Variants in DYSF observed in about 807,000 individuals in gnomAD.
DYSF encodes dystrophy-associated fer-1-like 1.
A neutral mutation model predicts 274.9 loss-of-function variants in DYSF; 212 were observed. The observed-to-expected ratio is 0.77, with a 90% CI of 0.69 to 0.86. DYSF has a LOEUF of 0.86. DYSF is among the 40% of genes least tolerant of loss of function. DYSF has a pLI of 0.00. For synonymous variants in DYSF, 1,091 were observed against 1,078.7 expected, an observed-to-expected ratio of 1.01 and a Z score of -0.22; for missense variants, 2,666 against 2,783.2, an observed-to-expected ratio of 0.96 and a Z score of 0.95.
At chr2:71,649,907 C>T (rs1044586997) in intron 42 of DYSF, among the ~76,000 whole-genome samples, 2 of 151,996 alleles carry the variant, frequency 1.3e-5, no homozygotes, top group African/African-American at 4.8e-5. Context: ...GTGTGCCAGG[C>T]AAATGCAAAT....
chr2:71,469,663 G>T (rs1459382340), intron 1 of DYSF, among the ~76,000 whole-genome samples: 1 of 152,176 alleles, frequency 6.6e-6, no homozygotes, highest in Non-Finnish European at 1.5e-5. Context: ...TGGGAGGCTG[G>T]ACTCTGAGGG....
chr2:71,503,390 C>A, intron 4 of DYSF, 71 bp downstream of exon 4: 1 of 1,463,812 alleles, frequency 6.8e-7, no homozygotes, highest in Non-Finnish European at 9.6e-7. Context: ...TTGGGCCTTG[C>A]CATTCTGACC....
At chr2:71,580,566 A>G (rs1294808388) in intron 30 of DYSF, among the ~76,000 whole-genome samples, 1 of 152,144 alleles carries the variant, frequency 6.6e-6, no homozygotes, top group Non-Finnish European at 1.5e-5. Flanking sequence ...AGGCCCTGGG[A>G]GGTGCGAGGG....
chr2:71,484,045 C>CTTTTTTTTTT (rs59780652), intron 3 of DYSF, among the ~76,000 whole-genome samples: 2 of 67,548 alleles, frequency 3.0e-5, no homozygotes, highest in Non-Finnish European at 5.0e-5. Context: ...GGAGATTTCC[C>CTTTTTTTTTT]TTTTTTTTTT....
chr2:71,472,463 G>A (rs2082099659), intron 1 of DYSF, among the ~76,000 whole-genome samples: 1 of 152,138 alleles, frequency 6.6e-6, no homozygotes, highest in Non-Finnish European at 1.5e-5. Flanking sequence ...CTGGAGTGGA[G>A]TGGCGCGATC....
intron 19 of DYSF, 123 bp downstream of exon 19, chr2:71,551,843 T>G (rs2090974973): frequency 2.7e-6 from 2 of 734,160 alleles, no homozygotes; most frequent in Admixed American, 4.7e-5. Context: ...GCATCGTGCC[T>G]TTACCTCCCC....
intron 33 of DYSF, among the ~76,000 whole-genome samples, chr2:71,599,345 G>C (rs1000522769): frequency 1.3e-5 from 2 of 152,248 alleles, no homozygotes; most frequent in African/African-American, 2.4e-5. Flanking sequence ...AATGGGACTG[G>C]TGCAGCTGAG....
intron 22 of DYSF, among the ~76,000 whole-genome samples, chr2:71,557,253 C>T (rs183006241): frequency 1.1e-3 from 167 of 152,352 alleles, no homozygotes; most frequent in African/African-American, 3.4e-3. Context: ...AGGTGCATCT[C>T]ATTCCCACAA....
chr2:71,580,595 CAA>C (rs201221056), intron 30 of DYSF, among the ~76,000 whole-genome samples: 2,033 of 152,304 alleles, frequency 0.013, 38 homozygotes, highest in African/African-American at 0.044. Context: ...CATTAGGAAA[CAA>C]GACCTATGGC....
At chr2:71,515,904 G>A (rs1423982145) in intron 8 of DYSF, among the ~76,000 whole-genome samples, 153 bp downstream of exon 8, 1 of 152,118 alleles carries the variant, frequency 6.6e-6, no homozygotes, top group African/African-American at 2.4e-5. Flanking sequence ...TTATCTGTGG[G>A]ACTGGAGAAA....
intron 3 of DYSF, among the ~76,000 whole-genome samples, chr2:71,500,991 C>CT (rs1048791879): frequency 6.6e-6 from 1 of 152,140 alleles, no homozygotes; most frequent in African/African-American, 2.4e-5. Context: ...ACTGTCTGGT[C>CT]TTTTTGACAT....
intron 3 of DYSF, among the ~76,000 whole-genome samples, chr2:71,489,195 T>C (rs1024942530): frequency 7.2e-5 from 11 of 152,182 alleles, no homozygotes; most frequent in African/African-American, 2.7e-4. Context: ...GCCTTGCTCT[T>C]GTTCCCCCGT....
At chr2:71,648,952 A>G (rs890388664) in intron 42 of DYSF, among the ~76,000 whole-genome samples, 2 of 152,138 alleles carry the variant, frequency 1.3e-5, no homozygotes, top group Admixed American at 1.3e-4. Context: ...GTACATATTC[A>G]GGAACTGGAG....
At chr2:71,483,267 G>A (rs766811678) in intron 3 of DYSF, among the ~76,000 whole-genome samples, 1 of 152,106 alleles carries the variant, frequency 6.6e-6, no homozygotes, top group African/African-American at 2.4e-5. Flanking sequence ...CCACCTGCAC[G>A]GGGGACAGGG....
chr2:71,644,611 T>C (rs745797186), intron 42 of DYSF, among the ~76,000 whole-genome samples: 11 of 152,052 alleles, frequency 7.2e-5, no homozygotes, highest in Non-Finnish European at 1.0e-4. Flanking sequence ...AATCTGAAAA[T>C]ATGGGAAACC....
At chr2:71,512,409 C>T (rs2086194859) in intron 5 of DYSF, among the ~76,000 whole-genome samples, 1 of 152,208 alleles carries the variant, frequency 6.6e-6, no homozygotes. Context: ...GGTTCCAGTC[C>T]TGCCTTTGAC....
rs1379104543 is a variant in DYSF at position 71,511,852 on chromosome 2, G to C, written c.391G>C (p.Val131Leu). Residue 131 changes from valine to leucine, a missense_variant, in exon 5 of 56, where the codon GTG becomes CTG. Coordinates refer to ENST00000410020, the MANE Select transcript of DYSF (RefSeq NM_001130987.2). ...GTCCTACACACCGCTGCCTGGAGCTGTGCCCCTGTTCCCGCCCCCTACTCC... is the reference window on the plus strand; with the variant it reads ...GTCCTACACACCGCTGCCTGGAGCTCTGCCCCTGTTCCCGCCCCCTACTCC... ...QVSYTPLPGA[V>L]PLFPPPTPLE... is the part of the protein sequence containing the mutation. 2 of 1,551,622 alleles carry C rather than the reference G, an allele frequency of 1.3e-6. No homozygotes were observed. The highest frequency in any genetic ancestry group is 3.9e-5 in the Admixed American group (2 of 50,994).
At chr2:71,561,711 C>T in intron 22 of DYSF, 41 bp from the exon 23 acceptor site, 3 of 1,612,762 alleles carry the variant, frequency 1.9e-6, no homozygotes, top group Non-Finnish European at 2.5e-6. Flanking sequence ...TGGGAGAGCC[C>T]TGGGCTCATC....
chr2:71,659,521 G>T (rs907094791), intron 44 of DYSF, among the ~76,000 whole-genome samples: 2 of 152,158 alleles, frequency 1.3e-5, no homozygotes, highest in African/African-American at 2.4e-5. Context: ...AGAGTCCCAG[G>T]TAAAAGGGAA....
Sources: allele counts gnomAD v4.1 joint callset (sites outside exome capture counted in the v4.1 genomes callset), GRCh38; gene constraint gnomAD v4.1.1; transcripts MANE v1.5; gene names NCBI Gene and HGNC (gene_info 2026-07-23, HGNC 2026-07-21).